The following PTPRD variants were observed in gnomAD, a reference collection of about 807,000 sequenced individuals.
PTPRD encodes the protein protein tyrosine phosphatase receptor type D.
Under a neutral mutation model 214.5 loss-of-function variants are expected in PTPRD, and 34 were observed. That is an observed-to-expected ratio of 0.16 (90% CI 0.12 to 0.21). The LOEUF is 0.21. Among genes scored for constraint, PTPRD ranks in the 10% least tolerant of loss-of-function variants. PTPRD has a pLI of 1.00. For missense variants in PTPRD, 2,545 were observed against 2,398.7 expected, an observed-to-expected ratio of 1.06 and a Z score of -1.27; for synonymous variants, 1,128 against 845.7, an observed-to-expected ratio of 1.33 and a Z score of -5.79.
intron 3 of PTPRD, among the ~76,000 whole-genome samples, chr9:10,290,699 C>G (rs988506848): frequency 2.6e-5 from 4 of 152,032 alleles, no homozygotes; most frequent in African/African-American, 9.7e-5. Context: ...GCATTTATAG[C>G]TGACATGCAT....
intron 3 of PTPRD, among the ~76,000 whole-genome samples, chr9:10,300,280 CCT>C (rs760484320): frequency 7.9e-5 from 12 of 152,148 alleles, no homozygotes; most frequent in Non-Finnish European, 1.8e-4. Context: ...CAGGAGATTC[CCT>C]CTGGTGCCTA....
intron 35 of PTPRD, among the ~76,000 whole-genome samples, chr9:8,430,738 G>A (rs2094990041): frequency 6.6e-6 from 1 of 152,100 alleles, no homozygotes; most frequent in African/African-American, 2.4e-5. Context: ...GAGACTACCA[G>A]AACGTTCATT....
At position 8,643,352 on chromosome 9, in the gene PTPRD, G is replaced by A. The variant is rs139311003; in HGVS notation, c.65-6508C>T. The stretch of plus-strand genomic sequence containing the variant: ...TAGTAATATAGGTATTAGGAAGGGA[G>A]GGAGGGAAGGAAGGAAGGAAGGCAG... On this transcript the variant is annotated intron_variant, in intron 12 of 45. Coordinates refer to ENST00000381196, the MANE Select transcript of PTPRD (RefSeq NM_002839.4). 8.7e-4 allele frequency among the ~76,000 whole-genome samples: 132 copies of A among 152,066 alleles called. 4 individuals are homozygous for A. In the East Asian group the frequency reaches 0.018, roughly 20 times the overall value.
intron 11 of PTPRD, among the ~76,000 whole-genome samples, chr9:8,847,986 T>A (rs1213745732): frequency 1.3e-5 from 2 of 152,142 alleles, no homozygotes; most frequent in African/African-American, 2.4e-5. Context: ...GTTCTCTTTA[T>A]AAAAATGCTT....
intron 8 of PTPRD, among the ~76,000 whole-genome samples, chr9:9,406,660 T>A (rs912532018): frequency 6.6e-6 from 1 of 151,838 alleles, no homozygotes; most frequent in African/African-American, 2.4e-5. Context: ...TTAAAGCAAG[T>A]TTTTGAGAGC....
intron 10 of PTPRD, among the ~76,000 whole-genome samples, chr9:9,073,092 G>C (rs1242858766): frequency 2.0e-5 from 3 of 152,142 alleles, no homozygotes; most frequent in Admixed American, 1.3e-4. Context: ...ATAAAAAGGG[G>C]TAAAGAAAGA....
chr9:10,443,313 T>C (rs981802153), intron 2 of PTPRD, among the ~76,000 whole-genome samples: 2 of 151,654 alleles, frequency 1.3e-5, no homozygotes, highest in African/African-American at 4.8e-5. Context: ...GATGATAAAT[T>C]GGGTTTATGG....
intron 11 of PTPRD, among the ~76,000 whole-genome samples, chr9:8,996,817 T>G (rs1227401332): frequency 6.6e-6 from 1 of 151,996 alleles, no homozygotes; most frequent in East Asian, 1.9e-4. Context: ...ACTTAATACT[T>G]TTGGGGTTAG....
At chr9:9,116,775 G>C (rs746799498) in intron 10 of PTPRD, among the ~76,000 whole-genome samples, 1 of 151,988 alleles carries the variant, frequency 6.6e-6, no homozygotes, top group East Asian at 1.9e-4. Flanking sequence ...TCCTCTACAT[G>C]CAGAGGATCA....
At chr9:10,606,691 G>A (rs1250539639) in intron 2 of PTPRD, among the ~76,000 whole-genome samples, 1 of 151,792 alleles carries the variant, frequency 6.6e-6, no homozygotes, top group Non-Finnish European at 1.5e-5. Flanking sequence ...GGGAATGGAA[G>A]TATTCCTATG....
At chr9:10,064,996 A>C (rs2097848879) in intron 3 of PTPRD, among the ~76,000 whole-genome samples, 1 of 151,928 alleles carries the variant, frequency 6.6e-6, no homozygotes, top group Admixed American at 6.6e-5. Context: ...GAATTTTAAC[A>C]TTTAATTAAG....
intron 11 of PTPRD, among the ~76,000 whole-genome samples, chr9:8,771,454 G>T (rs1312678177): frequency 6.6e-6 from 1 of 152,090 alleles, no homozygotes; most frequent in Non-Finnish European, 1.5e-5. Flanking sequence ...GGTAAAACAT[G>T]AAATCTTTTT....
Position 9,546,212 on chromosome 9 carries a change from A to C in PTPRD, c.-237+28520T>G, listed in dbSNP as rs372415590. On this transcript the variant is annotated intron_variant, in intron 8 of 45. Coordinates refer to ENST00000381196, the MANE Select transcript of PTPRD (RefSeq NM_002839.4). ...TCCTGAAGCTCTGCTATAATCCATT[A>C]TTAGTTCCAAAAGTTGTTGTGGAAT... Among the ~76,000 whole-genome samples, 30 of 146,464 alleles carry C rather than the reference A, an allele frequency of 2.0e-4. No individual in the cohort carries two copies. In the East Asian group the frequency reaches 4.8e-3, roughly 23 times the overall value.
At chr9:9,503,226 T>C (rs2096475747) in intron 8 of PTPRD, among the ~76,000 whole-genome samples, 1 of 151,804 alleles carries the variant, frequency 6.6e-6, no homozygotes, top group Non-Finnish European at 1.5e-5. Flanking sequence ...AGCTCAGTAA[T>C]GTTACCATTG....
At chr9:10,465,768 G>C (rs1319056303) in intron 2 of PTPRD, among the ~76,000 whole-genome samples, 10 of 152,172 alleles carry the variant, frequency 6.6e-5, no homozygotes, top group Non-Finnish European at 1.5e-4. Flanking sequence ...TACCATGTAG[G>C]TTTGTGTAAG....
At chr9:10,562,078 C>T (rs1165398297) in intron 2 of PTPRD, among the ~76,000 whole-genome samples, 5 of 152,046 alleles carry the variant, frequency 3.3e-5, no homozygotes, top group Non-Finnish European at 5.9e-5. Flanking sequence ...AGGAGTGAAA[C>T]ATATTCCATT....
intron 11 of PTPRD, among the ~76,000 whole-genome samples, chr9:8,901,935 A>G (rs2098672084): frequency 6.6e-6 from 1 of 152,202 alleles, no homozygotes; most frequent in Non-Finnish European, 1.5e-5. Flanking sequence ...CTTTGTGTCA[A>G]CAATTCTGGA....
intron 2 of PTPRD, among the ~76,000 whole-genome samples, chr9:10,607,500 G>A (rs2079759711): frequency 6.6e-6 from 1 of 151,706 alleles, no homozygotes; most frequent in South Asian, 2.1e-4. Flanking sequence ...AAAATAAAAT[G>A]CAATTGAAGT....
At chr9:9,928,838 T>C (rs1290468426) in intron 5 of PTPRD, among the ~76,000 whole-genome samples, 1 of 151,998 alleles carries the variant, frequency 6.6e-6, no homozygotes, top group African/African-American at 2.4e-5. Flanking sequence ...TTATTTTCTT[T>C]AAACTTGATG....
Sources: allele counts gnomAD v4.1 joint callset (sites outside exome capture counted in the v4.1 genomes callset), GRCh38; gene constraint gnomAD v4.1.1; transcripts MANE v1.5; gene names NCBI Gene and HGNC (gene_info 2026-07-23, HGNC 2026-07-21).